WEE1: variants seen among roughly 807,000 people sequenced by gnomAD.
The protein encoded by WEE1 is WEE1 G2 checkpoint kinase, also known as wee1-like protein kinase.
A neutral mutation model predicts 68.8 loss-of-function variants in WEE1; 16 were observed. The observed-to-expected ratio is 0.23, with a 90% CI of 0.16 to 0.35. The LOEUF is 0.35. Among genes scored for constraint, WEE1 ranks in the 10% least tolerant of loss-of-function variants. The pLI, the probability that WEE1 is intolerant of heterozygous loss-of-function variation, is 1.00. For missense variants in WEE1, 651 were observed against 824.1 expected (o/e 0.79, Z 2.57); for synonymous variants, 349 against 318.7 (o/e 1.09, Z -1.01).
chr11:9,585,182 T>G, intron 6 of WEE1, 76 bp from the exon 7 acceptor site: 1 of 1,137,882 alleles, frequency 8.8e-7, no homozygotes, highest in Non-Finnish European at 1.3e-6. Flanking sequence ...TTATGGATGA[T>G]TCTGGTATAT....
At chr11:9,583,584 C>A (rs1589979795) in intron 6 of WEE1, among the ~76,000 whole-genome samples, 1 of 143,372 alleles carries the variant, frequency 7.0e-6, no homozygotes, top group Admixed American at 7.1e-5. Context: ...CACTGCACTC[C>A]AGCCTGGGCG....
chr11:9,574,008 G>A lies in WEE1; in HGVS notation c.75G>A (p.Leu25=). ...AGAACTLRQK[L]IFSPCSDCEE... is the part of the protein sequence containing the mutation. Reference sequence around the variant, plus strand: ...CGGCCTGCACCTTGCGGCAGAAGCTGATCTTCTCGCCCTGCAGCGACTGTG... The same window carrying A: ...CGGCCTGCACCTTGCGGCAGAAGCTAATCTTCTCGCCCTGCAGCGACTGTG... Residue 25 remains leucine, a synonymous_variant, in exon 1 of 11, where the codon CTG becomes CTA. Transcript: ENST00000450114. This position sits in a 1 kb window ranked among gnomAD's most constrained non-coding sequence, Gnocchi z 4.9. 7.8e-7 allele frequency: 1 copy of A among 1,287,252 alleles called. No individual in the cohort carries two copies. Among genetic ancestry groups the A allele is most frequent in the Non-Finnish European group, 9.8e-7 (1 of 1,016,648 alleles). 79.7% of individuals were successfully genotyped at this position (1,287,252 alleles called of 1,614,324 possible). A position where few individuals can be genotyped will look rare whatever the true frequency, so the allele number is the denominator to read the frequency against.
intron 5 of WEE1, chr11:9,577,497 T>C (rs1193472675): frequency 2.2e-6 from 1 of 459,656 alleles, no homozygotes; most frequent in African/African-American, 2.0e-5. Context: ...TCGCTCCAAC[T>C]GAGCTTTTTG....
Position 9,581,761 on chromosome 11 carries a change from T to C in WEE1, c.1288+83T>C, listed in dbSNP as rs1244341643. ...TCATTATGACAACATTGAAAAAATA[T>C]ATATCTTCTGTTTTCTCATTGTTAG... is the stretch of plus-strand genomic sequence containing the variant. On this transcript the variant is annotated intron_variant, in intron 6 of 10. Coordinates refer to ENST00000450114, the MANE Select transcript of WEE1 (RefSeq NM_003390.4). 26 of 1,354,440 alleles carry C rather than the reference T, an allele frequency of 1.9e-5. No homozygotes were observed. The East Asian group carries it at 2.0e-4, about 10-fold the overall frequency. 83.9% of individuals were successfully genotyped at this position (1,354,440 alleles called of 1,614,324 possible). A position where few individuals can be genotyped will look rare whatever the true frequency, so the allele number is the denominator to read the frequency against.
In WEE1 at chr11:9,573,757, T is replaced by TGCCGCCACC. The variant is rs1849530422; in HGVS notation, c.-175_-167dup. 1 of 323,680 alleles carries TGCCGCCACC rather than the reference T, an allele frequency of 3.1e-6. No homozygotes were observed. The highest frequency in any genetic ancestry group is 4.8e-6 in the Non-Finnish European group (1 of 208,484). The allele number at this position is 323,680 out of a possible 1,614,324, so 20.1% of individuals were successfully genotyped here. A position where few individuals can be genotyped will look rare whatever the true frequency, so the allele number is the denominator to read the frequency against. On this transcript the variant is annotated 5_prime_UTR_variant, in exon 1 of 11. Transcript: ENST00000450114. ...TCTGCCGGAAAGTCCGCGCCGCCGC[T>TGCCGCCACC]GCCGCCACCGTCCGCAGCCCGAGCG...
chr11:9,577,017 G>A, intron 4 of WEE1, 125 bp from the exon 5 acceptor site: 8 of 1,038,324 alleles, frequency 7.7e-6, no homozygotes, highest in South Asian at 5.3e-5. Context: ...TCTCTCTTAA[G>A]CAAGTTGCTT....
intron 6 of WEE1, among the ~76,000 whole-genome samples, chr11:9,583,364 C>T (rs1849650296): frequency 6.6e-6 from 1 of 151,840 alleles, no homozygotes; most frequent in Non-Finnish European, 1.5e-5. Flanking sequence ...CCTGTAATCC[C>T]AGCACTTTGG....
At chr11:9,581,779 A>C in intron 6 of WEE1, 101 bp downstream of exon 6, 1 of 1,248,586 alleles carries the variant, frequency 8.0e-7, no homozygotes, top group Non-Finnish European at 1.1e-6. Flanking sequence ...CTGTTTTCTC[A>C]TTGTTAGTTT....
At position 9,588,634 on chromosome 11, in the gene WEE1, G is replaced by C; in HGVS notation, c.*32G>C. 1 of 1,472,614 alleles carries C rather than the reference G, an allele frequency of 6.8e-7. No individual in the cohort carries two copies. Among genetic ancestry groups the C allele is most frequent in the Non-Finnish European group, 9.0e-7 (1 of 1,112,122 alleles). 91.2% of individuals were successfully genotyped at this position (1,472,614 alleles called of 1,614,324 possible). On this transcript the variant is annotated 3_prime_UTR_variant, in exon 11 of 11. Coordinates refer to ENST00000450114, the MANE Select transcript of WEE1 (RefSeq NM_003390.4). ...CCTTTCCCACCTCCCCCTGAACACT[G>C]TGACAAGAGGAAGCTAGGTTGAAAT...
chr11:9,582,977 T>G (rs1849644961), intron 6 of WEE1, among the ~76,000 whole-genome samples: 1 of 152,318 alleles, frequency 6.6e-6, no homozygotes, highest in South Asian at 2.1e-4. Context: ...TAGACCCTTA[T>G]AAGGTATAAA....
intron 5 of WEE1, chr11:9,577,483 C>T (rs1337295459): frequency 2.0e-6 from 1 of 494,330 alleles, no homozygotes; most frequent in Non-Finnish European, 3.6e-6. Context: ...TATTTATGTG[C>T]TTGTCGCTCC....
Position 9,574,082 on chromosome 11 carries a change from G to A in WEE1, c.149G>A (p.Gly50Glu). The A allele has an allele frequency of 8.1e-7, 1 of 1,236,698 alleles. No homozygotes were observed. The highest frequency in any genetic ancestry group is 3.4e-5 in the South Asian group (1 of 29,604). The allele number at this position is 1,236,698 out of a possible 1,614,324, so 76.6% of individuals were successfully genotyped here. A position where few individuals can be genotyped will look rare whatever the true frequency, so the allele number is the denominator to read the frequency against. ...EEEEGSGHST[G>E]EDSAFQEPDS... ...GAGGAGGGCAGCGGCCACAGCACCG[G>A]GGAGGACTCGGCCTTTCAAGAGCCC... Residue 50 changes from glycine to glutamate, a missense_variant, in exon 1 of 11, where the codon GGG (glycine) becomes GAG (glutamate). By Grantham distance (98) the Gly-to-Glu change is moderately conservative. Around this residue, in one of 5 missense-constraint regions of WEE1, gnomAD observed 395 missense variants for 378.4 expected, o/e 1.04. Coordinates refer to ENST00000450114, the MANE Select transcript of WEE1 (RefSeq NM_003390.4). The surrounding 1 kb of genome is among the most constrained non-coding windows in gnomAD (Gnocchi z 4.9).
At chr11:9,583,794 CACACACACATATAT>C (rs1400210743) in intron 6 of WEE1, among the ~76,000 whole-genome samples, 29 of 27,574 alleles carry the variant, frequency 1.1e-3, no homozygotes, top group African/African-American at 2.7e-3. Context: ...CACACACACA[CACACACACATATAT>C]ATATATATAT....
chr11:9,580,064 G>A (rs1849607684), intron 5 of WEE1: 1 of 152,060 alleles, frequency 6.6e-6, no homozygotes, highest in African/African-American at 2.4e-5. Context: ...TTCTATAAAA[G>A]CAGGTTATGG....
chr11:9,577,708 A>G, intron 5 of WEE1: 2 of 324,388 alleles, frequency 6.2e-6, no homozygotes, highest in Non-Finnish European at 1.2e-5. Context: ...CTGTTTCTTT[A>G]AGCATTCTGT....
intron 1 of WEE1, chr11:9,575,035 C>G: frequency 1.0e-6 from 1 of 985,810 alleles, no homozygotes. Flanking sequence ...TACGCTTGGA[C>G]TTGGGAGTAA....
intron 1 of WEE1, chr11:9,575,234 T>C: frequency 1.0e-6 from 1 of 985,430 alleles, no homozygotes; most frequent in Non-Finnish European, 1.2e-6. Flanking sequence ...AAGAAGGAGG[T>C]GTTCAGCACC....
chr11:9,587,286 G>A (rs1242454281), intron 10 of WEE1, among the ~76,000 whole-genome samples: 2 of 152,126 alleles, frequency 1.3e-5, no homozygotes, highest in Non-Finnish European at 2.9e-5. Flanking sequence ...GTTGTTATAC[G>A]GTGAAAGCTT....
intron 6 of WEE1, among the ~76,000 whole-genome samples, chr11:9,581,894 C>T (rs1849632225): frequency 6.6e-6 from 1 of 152,232 alleles, no homozygotes; most frequent in Non-Finnish European, 1.5e-5. Flanking sequence ...GACAGTGTCT[C>T]ATTCTGTGGC....
Sources: allele counts gnomAD v4.1 joint callset (sites outside exome capture counted in the v4.1 genomes callset), GRCh38; gene constraint gnomAD v4.1.1; regional missense constraint gnomAD v4.1.1; non-coding constraint Gnocchi (gnomAD v3.1); transcripts MANE v1.5; gene names NCBI Gene and HGNC (gene_info 2026-07-23, HGNC 2026-07-21).